ASCC3: variants seen among roughly 807,000 people sequenced by gnomAD.
ASCC3 encodes the protein activating signal cointegrator 1 complex subunit 3, also known as ASC-1 complex subunit P200.
A neutral mutation model predicts 256.3 loss-of-function variants in ASCC3; 158 were observed. The observed-to-expected ratio is 0.62, with a 90% CI of 0.54 to 0.70. The LOEUF is 0.70. Among genes scored for constraint, ASCC3 ranks in the 30% least tolerant of loss-of-function variants. The pLI is 0.00. For missense variants in ASCC3, 2,259 were observed against 2,626.0 expected (o/e 0.86, Z 3.05); for synonymous variants, 948 against 883.4 (o/e 1.07, Z -1.30).
intron 34 of ASCC3, among the ~76,000 whole-genome samples, chr6:100,594,241 T>C (rs761847457): frequency 2.4e-4 from 37 of 152,248 alleles, no homozygotes; most frequent in Admixed American, 4.6e-4. Context: ...TAAACCTCAG[T>C]CTCTTTGTTA....
At position 100,704,944 on chromosome 6, in the gene ASCC3, A is replaced by G. The variant is rs577590629; in HGVS notation, c.2151+10518T>C. Among the ~76,000 whole-genome samples the G allele has an allele frequency of 4.6e-5, 7 of 152,230 alleles. No homozygotes were observed. The South Asian group carries it at 1.4e-3, about 32-fold the overall frequency. ...AGTTTGTATAACAAGAAAAATCTCA[A>G]TAGAGTTAAGGCATTAATTATTTTC... is the stretch of plus-strand genomic sequence containing the variant. On this transcript the variant is annotated intron_variant, in intron 13 of 41. Coordinates refer to ENST00000369162, the MANE Select transcript of ASCC3 (RefSeq NM_006828.4).
chr6:100,664,724 C>T (rs1179519020), intron 14 of ASCC3, among the ~76,000 whole-genome samples: 2 of 152,094 alleles, frequency 1.3e-5, no homozygotes, highest in African/African-American at 4.8e-5. Context: ...TAAAGCAGCT[C>T]TTATGAATAT....
intron 36 of ASCC3, among the ~76,000 whole-genome samples, chr6:100,555,011 C>T (rs1230183243): frequency 5.3e-5 from 8 of 151,544 alleles, no homozygotes; most frequent in Admixed American, 3.9e-4. Flanking sequence ...TCATACCAAA[C>T]AAAATAAACC....
intron 37 of ASCC3, among the ~76,000 whole-genome samples, chr6:100,522,524 C>T (rs1774362782): frequency 1.3e-5 from 2 of 151,840 alleles, no homozygotes; most frequent in African/African-American, 4.8e-5. Flanking sequence ...TGGGCTAGAG[C>T]TGTGGACTTA....
At chr6:100,635,622 T>C (rs572174398) in intron 25 of ASCC3, among the ~76,000 whole-genome samples, 11 of 152,162 alleles carry the variant, frequency 7.2e-5, no homozygotes, top group Non-Finnish European at 1.6e-4. Flanking sequence ...TTTGAAGTGA[T>C]AGGTATGTTA....
chr6:100,870,146 C>T (rs1773665269), intron 1 of ASCC3, among the ~76,000 whole-genome samples: 1 of 152,118 alleles, frequency 6.6e-6, no homozygotes, highest in African/African-American at 2.4e-5. Context: ...AGTACAATTA[C>T]TAAGTCTGAT....
Position 100,848,278 on chromosome 6 carries a change from C to A in ASCC3, c.671G>T (p.Trp224Leu), listed in dbSNP as rs771214569. The A allele has an allele frequency of 1.4e-5, 22 of 1,613,812 alleles. No individual in the cohort carries two copies. The highest frequency in any genetic ancestry group is 7.7e-5 in the South Asian group (7 of 91,072). Residue 224 changes from tryptophan to leucine, a missense_variant, in exon 4 of 42, where the codon TGG becomes TTG. By Grantham distance (61) the Trp-to-Leu change is moderately conservative. Coordinates refer to ENST00000369162, the MANE Select transcript of ASCC3 (RefSeq NM_006828.4). ...ATTTAGGTACTTTTCAACTTCACAC[C>A]ACAAAAAGGAGCCATTTGTTTTTTC... ...PVEKTNGSFLWCEVEKYLNST... is the reference protein window; with the variant it reads ...PVEKTNGSFLLCEVEKYLNST...
In ASCC3 at chr6:100,574,074, T is replaced by C. The variant is rs114838426; in HGVS notation, c.5550+15560A>G. Among the ~76,000 whole-genome samples, 745 of 152,204 alleles carry C rather than the reference T, an allele frequency of 4.9e-3. 5 individuals carry two copies. Among genetic ancestry groups the C allele is most frequent in the African/African-American group, 0.017 (712 of 41,562 alleles). ...ATTGAGCAGCAATGGCACACAGAAC[T>C]AGATACAAGCTTATCCCTTTGTTTT... On this transcript the variant is annotated intron_variant, in intron 36 of 41. Coordinates refer to ENST00000369162, the MANE Select transcript of ASCC3 (RefSeq NM_006828.4).
rs1582534634 is a variant in ASCC3, at chr6:100,601,679, G to A, written c.5303+131C>T. 1.4e-5 allele frequency: 14 copies of A among 1,020,552 alleles called. 1 individual carries two copies. The highest frequency in any genetic ancestry group is 1.9e-5 in the Non-Finnish European group (13 of 694,454). The allele number at this position is 1,020,552 out of a possible 1,614,324, so 63.2% of individuals were successfully genotyped here. ...ACCAGAGATATCATCTGATTCTTTA[G>A]ACAAATTCATATACCTAGAATCTCC... On this transcript the variant is annotated intron_variant, in intron 34 of 41. Transcript: ENST00000369162.
chr6:100,532,404 ATATT>A (rs1432283576), intron 37 of ASCC3, among the ~76,000 whole-genome samples: 680 of 47,808 alleles, frequency 0.014, 4 homozygotes, highest in South Asian at 0.034. Flanking sequence ...ATATATATAT[ATATT>A]TTTTTTTTTT....
At chr6:100,741,684 C>A (rs774984376) in intron 10 of ASCC3, among the ~76,000 whole-genome samples, 1 of 152,256 alleles carries the variant, frequency 6.6e-6, no homozygotes, top group Admixed American at 6.5e-5. Flanking sequence ...GCTACTGATA[C>A]TTGTGAGTGT....
intron 10 of ASCC3, among the ~76,000 whole-genome samples, chr6:100,745,273 G>A (rs1780608191): frequency 1.3e-5 from 2 of 152,072 alleles, no homozygotes; most frequent in Middle Eastern, 3.4e-3. Flanking sequence ...GTTGCAGTGA[G>A]CCGAGATTGC....
At chr6:100,691,954 G>C (rs1207348295) in intron 13 of ASCC3, among the ~76,000 whole-genome samples, 1 of 151,788 alleles carries the variant, frequency 6.6e-6, no homozygotes, top group Non-Finnish European at 1.5e-5. Flanking sequence ...AGGGTGCTGT[G>C]GGAACAACAA....
At chr6:100,742,526 C>G (rs1240822083) in intron 10 of ASCC3, among the ~76,000 whole-genome samples, 3 of 152,202 alleles carry the variant, frequency 2.0e-5, no homozygotes, top group Non-Finnish European at 4.4e-5. Flanking sequence ...GAGCTCCATC[C>G]CAGGGAGAGA....
chr6:100,604,886 A>G (rs1380246369), intron 33 of ASCC3, among the ~76,000 whole-genome samples: 1 of 152,124 alleles, frequency 6.6e-6, no homozygotes, highest in Non-Finnish European at 1.5e-5. Flanking sequence ...GAAAAGGACT[A>G]TGATAAAAGG....
At position 100,843,579 on chromosome 6, in the gene ASCC3, T is replaced by C. The variant is rs3734350; in HGVS notation, c.801+4569A>G. On this transcript the variant is annotated intron_variant, in intron 4 of 41. Coordinates refer to ENST00000369162, the MANE Select transcript of ASCC3 (RefSeq NM_006828.4). ...GAAATAATACTGAGATATGTATACTTCAATACATCTCCAATATGCTAGCCT... is the reference window on the plus strand; with the variant it reads ...GAAATAATACTGAGATATGTATACTCCAATACATCTCCAATATGCTAGCCT... Among the ~76,000 whole-genome samples the C allele has an allele frequency of 5.9e-5, 9 of 152,298 alleles. No homozygotes were observed. In the East Asian group the frequency reaches 1.7e-3, roughly 29 times the overall value.
intron 34 of ASCC3, among the ~76,000 whole-genome samples, chr6:100,597,247 C>T (rs6903429): frequency 0.031 from 4,680 of 152,106 alleles, 83 homozygotes; most frequent in African/African-American, 0.055. Context: ...TAAAATCTAC[C>T]GTCTCTGCTA....
At chr6:100,734,731 A>G (rs1290792037) in intron 10 of ASCC3, among the ~76,000 whole-genome samples, 1 of 152,228 alleles carries the variant, frequency 6.6e-6, no homozygotes, top group Non-Finnish European at 1.5e-5. Flanking sequence ...CACATCAGGG[A>G]AACCACTAGG....
chr6:100,718,024 A>G lies in ASCC3; in HGVS notation c.2079+51T>C, dbSNP rs117989680. The G allele has an allele frequency of 3.8e-3, 5,999 of 1,568,046 alleles. 14 individuals are homozygous for G. Among genetic ancestry groups the G allele is most frequent in the Middle Eastern group, 6.4e-3 (38 of 5,942 alleles). On this transcript the variant is annotated intron_variant, in intron 12 of 41. Transcript: ENST00000369162. ...GTCTCTAACTCCAAACAAGTATTCAATAATAAGTCAACAAAAATATTTTTA... is the reference window on the plus strand; with the variant it reads ...GTCTCTAACTCCAAACAAGTATTCAGTAATAAGTCAACAAAAATATTTTTA...
Sources: gnomAD v4.1 joint callset for allele counts (sites outside exome capture counted in the v4.1 genomes callset) on GRCh38, gnomAD v4.1.1 for gene constraint, MANE v1.5 for transcripts, NCBI Gene and HGNC (gene_info 2026-07-23, HGNC 2026-07-21) for gene names.